The following DLGAP2 variants were observed in gnomAD, a reference collection of about 807,000 sequenced individuals.
DLGAP2 encodes DLG associated protein 2.
In DLGAP2, 26 loss-of-function variants were observed where a neutral mutation model predicts 100.3. The observed-to-expected ratio is 0.26, with a 90% CI of 0.19 to 0.36. The LOEUF is 0.36. Ranked by LOEUF, DLGAP2 falls within the 10% of genes least tolerant of loss-of-function variation. The pLI is 1.00. For missense variants in DLGAP2, 1,858 were observed against 1,453.2 expected (o/e 1.28, Z -4.53); for synonymous variants, 886 against 630.1 (o/e 1.41, Z -6.08).
chr8:1,664,140 T>C (rs1213820869), intron 8 of DLGAP2, among the ~76,000 whole-genome samples: 1 of 152,254 alleles, frequency 6.6e-6, no homozygotes, highest in African/African-American at 2.4e-5. Context: ...TCAGCATTTC[T>C]GTAGGACAGG....
chr8:979,045 G>C (rs1004653341), intron 2 of DLGAP2, among the ~76,000 whole-genome samples: 1 of 152,164 alleles, frequency 6.6e-6, no homozygotes, highest in Non-Finnish European at 1.5e-5. Context: ...CTCCGCAGGA[G>C]TGTTCAGGAG....
chr8:897,200 A>G (rs1000951066), intron 1 of DLGAP2, among the ~76,000 whole-genome samples: 2 of 152,056 alleles, frequency 1.3e-5, no homozygotes, highest in Non-Finnish European at 2.9e-5. Context: ...GTGGCCTCGC[A>G]CTCAATCCCT....
At chr8:1,115,372 G>T (rs776177483) in intron 2 of DLGAP2, among the ~76,000 whole-genome samples, 6 of 152,202 alleles carry the variant, frequency 3.9e-5, no homozygotes, top group Non-Finnish European at 8.8e-5. Context: ...GGGTGCTCCT[G>T]TGTTGGATGC....
At chr8:1,180,364 C>T (rs1270173773) in intron 2 of DLGAP2, among the ~76,000 whole-genome samples, 1 of 152,216 alleles carries the variant, frequency 6.6e-6, no homozygotes, top group Admixed American at 6.5e-5. Context: ...CTTCTGATTT[C>T]TTTGATTCAT....
intron 6 of DLGAP2, among the ~76,000 whole-genome samples, chr8:1,589,781 T>C (rs567740544): frequency 3.9e-5 from 6 of 152,282 alleles, no homozygotes; most frequent in Admixed American, 3.3e-4. Flanking sequence ...GGTTTGCTGT[T>C]AGCACCGGGG....
At chr8:1,335,586 G>C (rs1801255546) in intron 3 of DLGAP2, among the ~76,000 whole-genome samples, 1 of 152,194 alleles carries the variant, frequency 6.6e-6, no homozygotes, top group South Asian at 2.1e-4. Flanking sequence ...GCAGGGTGCG[G>C]TGCTGGGTGG....
chr8:1,478,004 C>T (rs571234914), intron 3 of DLGAP2, among the ~76,000 whole-genome samples: 16 of 152,238 alleles, frequency 1.1e-4, no homozygotes, highest in Non-Finnish European at 2.4e-4. Context: ...ACTCTCTGTT[C>T]GTAGGGTTTA....
chr8:1,444,140 C>T (rs1040062068), intron 3 of DLGAP2, among the ~76,000 whole-genome samples: 3 of 152,160 alleles, frequency 2.0e-5, no homozygotes, highest in Non-Finnish European at 2.9e-5. Flanking sequence ...GGCTGGAGTG[C>T]AGTGGCGCGA....
chr8:1,074,961 CAG>C (rs964365112), intron 2 of DLGAP2, among the ~76,000 whole-genome samples: 56 of 150,050 alleles, frequency 3.7e-4, no homozygotes, highest in African/African-American at 1.3e-3. Context: ...CACCAACAAA[CAG>C]TGCAGCAGGG....
At position 1,437,156 on chromosome 8, in the gene DLGAP2, G is replaced by A. The variant is rs965747291; in HGVS notation, c.107-64210G>A. Among the ~76,000 whole-genome samples the A allele has an allele frequency of 2.7e-5, 4 of 147,512 alleles. 1 individual carries two copies. The highest frequency in any genetic ancestry group is 2.1e-4 in the Admixed American group (3 of 14,524). On this transcript the variant is annotated intron_variant, in intron 3 of 14. Transcript: ENST00000637795. ...GTGACGCCATCCGGGTCTGCGTTCA[G>A]CGCAGGCGCGTAAGGGTGACGCCAT...
At chr8:830,082 T>C (rs1337716182) in intron 1 of DLGAP2, among the ~76,000 whole-genome samples, 1 of 152,236 alleles carries the variant, frequency 6.6e-6, no homozygotes, top group Non-Finnish European at 1.5e-5. Context: ...AGTTTTAATA[T>C]AGTTCTAGGC....
At chr8:1,494,701 C>G (rs1381298543) in intron 3 of DLGAP2, among the ~76,000 whole-genome samples, 1 of 152,052 alleles carries the variant, frequency 6.6e-6, no homozygotes, top group East Asian at 1.9e-4. Context: ...GCACTCCAGC[C>G]TGGGCAACAG....
At chr8:785,377 T>A (rs959345682) in intron 1 of DLGAP2, among the ~76,000 whole-genome samples, 1 of 150,014 alleles carries the variant, frequency 6.7e-6, no homozygotes, top group East Asian at 2.0e-4. Flanking sequence ...CTGCACCTCA[T>A]GCCCCTCTGA....
At chr8:1,130,178 A>G (rs756423366) in intron 2 of DLGAP2, among the ~76,000 whole-genome samples, 1 of 152,078 alleles carries the variant, frequency 6.6e-6, no homozygotes, top group Non-Finnish European at 1.5e-5. Context: ...ATGCAGAGGG[A>G]CCTTCAGTTA....
intron 4 of DLGAP2, among the ~76,000 whole-genome samples, chr8:1,512,765 A>G (rs36098197): frequency 0.15 from 22,100 of 152,278 alleles, 1,762 homozygotes; most frequent in Non-Finnish European, 0.16. Context: ...TGACTTATCA[A>G]TCTAAAGGTT....
In DLGAP2 at chr8:1,678,364, C is replaced by T. The variant is rs746386174; in HGVS notation, c.2439C>T (p.Thr813=). The T allele has an allele frequency of 6.2e-7, 1 of 1,614,042 alleles. No individual in the cohort carries two copies. The highest frequency in any genetic ancestry group is 8.5e-7 in the Non-Finnish European group (1 of 1,179,900). Residue 813 remains threonine (T), a synonymous_variant, in exon 12 of 15, where the codon ACC becomes ACT. Transcript: ENST00000637795. ...GGCACTCCGAGCCCAGCACCCCCAC[C>T]CAGTACAGCGCGGTGAGAACTGTAC... ...FQRHSEPSTP[T]QYSAVRTVRT... is the part of the protein sequence containing the mutation.
chr8:802,702 A>T (rs1486201678), intron 1 of DLGAP2, among the ~76,000 whole-genome samples: 2 of 151,990 alleles, frequency 1.3e-5, no homozygotes, highest in African/African-American at 4.8e-5. Context: ...GAATTTTACT[A>T]GCAGAGACAG....
intron 3 of DLGAP2, among the ~76,000 whole-genome samples, chr8:1,280,519 C>T (rs188925822): frequency 6.6e-6 from 1 of 152,080 alleles, no homozygotes; most frequent in Non-Finnish European, 1.5e-5. Flanking sequence ...GTTTGGGGGT[C>T]TATAAAGGAG....
intron 6 of DLGAP2, among the ~76,000 whole-genome samples, chr8:1,619,304 TA>T (rs1563260466): frequency 6.6e-6 from 1 of 152,164 alleles, no homozygotes; most frequent in South Asian, 2.1e-4. Context: ...TGGCCTAAGT[TA>T]AAAAGAATGA....
Sources: gnomAD v4.1 joint callset for allele counts (sites outside exome capture counted in the v4.1 genomes callset) on GRCh38, gnomAD v4.1.1 for gene constraint, MANE v1.5 for transcripts, NCBI Gene and HGNC (gene_info 2026-07-23, HGNC 2026-07-21) for gene names.